The following CEP89 variants were observed in gnomAD, a reference collection of about 807,000 sequenced individuals.
CEP89 encodes the protein centrosomal protein 89, also known as centrosomal protein of 89 kDa.
Under a neutral mutation model 97.6 loss-of-function variants are expected in CEP89, and 95 were observed. That is an observed-to-expected ratio of 0.97 (90% CI 0.82 to 1.15). CEP89 has a LOEUF of 1.15. CEP89 is among the 50% of genes most tolerant of loss of function. The pLI, the probability that CEP89 is intolerant of heterozygous loss-of-function variation, is 0.00. For missense variants in CEP89, 869 were observed against 947.7 expected (o/e 0.92, Z 1.09); for synonymous variants, 354 against 349.1 (o/e 1.01, Z -0.16).
rs149379505 is a variant in CEP89, at chr19:32,901,996, G to GTCTCTC, written c.1566-590_1566-585dup. Among the ~76,000 whole-genome samples, 550 of 141,698 alleles carry GTCTCTC rather than the reference G, an allele frequency of 3.9e-3. 3 individuals are homozygous for GTCTCTC. Among genetic ancestry groups the GTCTCTC allele is most frequent in the East Asian group, 6.3e-3 (30 of 4,730 alleles). The allele number at this position is 141,698 out of a possible 152,430, so 93.0% of individuals were successfully genotyped here. On this transcript the variant is annotated intron_variant, in intron 14 of 18. Coordinates refer to ENST00000305768, the MANE Select transcript of CEP89 (RefSeq NM_032816.5). ...TTTTGGCTTATGTCTCTGTCTCTCT[G>GTCTCTC]TCTCTCTCTCTCTCTGTGTGTGTGT...
chr19:32,950,982 T>C (rs1330500135), intron 4 of CEP89, among the ~76,000 whole-genome samples: 2 of 152,208 alleles, frequency 1.3e-5, no homozygotes, highest in Non-Finnish European at 2.9e-5. Context: ...TTAAAGCTAA[T>C]CTTGGCAATG....
rs1568559832 is a variant in CEP89 at position 32,918,878 on chromosome 19, C to CTTTTCTTTTT, written c.1269-540_1269-539insAAAAAGAAAA. ...GGTTTCTTTTTTCTTTTTTCTTTTT[C>CTTTTCTTTTT]TTTTTCTTTTTTTTTTTTTTTTTTG... On this transcript the variant is annotated intron_variant, in intron 12 of 18. Coordinates refer to ENST00000305768, the MANE Select transcript of CEP89 (RefSeq NM_032816.5). Among the ~76,000 whole-genome samples the CTTTTCTTTTT allele has an allele frequency of 1.6e-4, 18 of 110,836 alleles. 1 individual carries two copies. Among genetic ancestry groups the CTTTTCTTTTT allele is most frequent in the African/African-American group, 3.5e-4 (10 of 28,340 alleles). The allele number at this position is 110,836 out of a possible 152,430, so 72.7% of individuals were successfully genotyped here. A position where few individuals can be genotyped will look rare whatever the true frequency, so the allele number is the denominator to read the frequency against.
At chr19:32,928,355 G>A (rs947208790) in intron 9 of CEP89, among the ~76,000 whole-genome samples, 11 of 151,510 alleles carry the variant, frequency 7.3e-5, no homozygotes, top group African/African-American at 2.2e-4. Context: ...TTTTCCTTCC[G>A]CCCTTCCTTC....
chr19:32,887,841 C>G lies in CEP89; in HGVS notation c.1876G>C (p.Ala626Pro), dbSNP rs763504167. Reference sequence around the variant, plus strand: ...TCCTTCTCACTTTCTAAACATTTTGCCTAGGGAGAAGGGTGATAAATGGGC... The same window carrying G: ...TCCTTCTCACTTTCTAAACATTTTGGCTAGGGAGAAGGGTGATAAATGGGC... ...TQERDSLMCLAKCLESEKDGV... is the reference protein window; with the variant it reads ...TQERDSLMCLPKCLESEKDGV... Residue 626 changes from alanine to proline, a missense_variant and splice_region_variant, in exon 17 of 19, where the codon GCA (alanine) becomes CCA (proline). Transcript: ENST00000305768. The G allele has an allele frequency of 6.3e-7, 1 of 1,595,152 alleles. No individual in the cohort carries two copies. The highest frequency in any genetic ancestry group is 8.6e-7 in the Non-Finnish European group (1 of 1,164,144).
In CEP89 at chr19:32,949,758, AG is replaced by A. The variant is rs1970872508; in HGVS notation, c.493-1391del. On this transcript the variant is annotated intron_variant, in intron 4 of 18. Transcript: ENST00000305768. ...TGCCCTTTGGCTCTCCTGATTCTTCAGTAAAATCTTGCTTTTGTGATCAGTT... is the reference window on the plus strand; with the variant it reads ...TGCCCTTTGGCTCTCCTGATTCTTCATAAAATCTTGCTTTTGTGATCAGTT... Among the ~76,000 whole-genome samples, 7 of 152,076 alleles carry A rather than the reference AG, an allele frequency of 4.6e-5. No homozygotes were observed. In the South Asian group the frequency reaches 1.5e-3, roughly 32 times the overall value.
intron 12 of CEP89, among the ~76,000 whole-genome samples, chr19:32,919,899 G>A (rs1970212196): frequency 6.6e-6 from 1 of 152,206 alleles, no homozygotes; most frequent in African/African-American, 2.4e-5. Flanking sequence ...TCCTGCCTTG[G>A]CCTCCCAAAG....
chr19:32,921,282 C>T (rs1490177622), intron 12 of CEP89, among the ~76,000 whole-genome samples: 1 of 151,988 alleles, frequency 6.6e-6, no homozygotes, highest in African/African-American at 2.4e-5. Context: ...GTCCGTGTAC[C>T]GAGTGCTGCA....
At chr19:32,949,070 C>T (rs1274157975) in intron 4 of CEP89, among the ~76,000 whole-genome samples, 1 of 152,074 alleles carries the variant, frequency 6.6e-6, no homozygotes, top group African/African-American at 2.4e-5. Context: ...GCTGACCTCC[C>T]CTGGGAGGAC....
rs554341896 is a variant in CEP89, at chr19:32,921,230, AAAG to A, written c.1268+2206_1268+2208del. 2.2e-4 allele frequency among the ~76,000 whole-genome samples: 28 copies of A among 125,112 alleles called. No individual in the cohort carries two copies. In the South Asian group the frequency reaches 2.8e-3, roughly 12 times the overall value. The allele number at this position is 125,112 out of a possible 152,430, so 82.1% of individuals were successfully genotyped here. ...GAGCAAGACTCTGTCTCAAAAAAAA[AAAG>A]AAAGAAAGAAAGAAAGAAAGTGTCT... is the stretch of plus-strand genomic sequence containing the variant. On this transcript the variant is annotated intron_variant, in intron 12 of 18. Coordinates refer to ENST00000305768, the MANE Select transcript of CEP89 (RefSeq NM_032816.5).
At chr19:32,908,125 A>C (rs1969926763) in intron 14 of CEP89, among the ~76,000 whole-genome samples, 1 of 152,240 alleles carries the variant, frequency 6.6e-6, no homozygotes, top group Admixed American at 6.5e-5. Context: ...GAAATCACTT[A>C]ATGATGAGTT....
At chr19:32,913,307 T>A (rs75691207) in intron 14 of CEP89, among the ~76,000 whole-genome samples, 627 of 19,352 alleles carry the variant, frequency 0.032, 1 homozygote, top group African/African-American at 0.13. Context: ...ATATATATAT[T>A]TTTTTGTTGT....
At chr19:32,899,194 A>G (rs1969710850) in intron 16 of CEP89, among the ~76,000 whole-genome samples, 1 of 150,018 alleles carries the variant, frequency 6.7e-6, no homozygotes, top group African/African-American at 2.5e-5. Context: ...GCAGTAGTAC[A>G]GTCATAGCTC....
At chr19:32,937,528 A>G in intron 7 of CEP89, 103 bp downstream of exon 7, 1 of 981,342 alleles carries the variant, frequency 1.0e-6, no homozygotes, top group Non-Finnish European at 1.6e-6. Context: ...TTCAACAACT[A>G]ATACAAGAAA....
At chr19:32,956,583 T>A (rs983510190) in intron 3 of CEP89, among the ~76,000 whole-genome samples, 1 of 151,854 alleles carries the variant, frequency 6.6e-6, no homozygotes, top group African/African-American at 2.4e-5. Context: ...CCCAGGCTGG[T>A]CTCAAACTCC....
In CEP89 at chr19:32,902,193, G is replaced by T. The variant is rs938445153; in HGVS notation, c.1566-781C>A. On this transcript the variant is annotated intron_variant, in intron 14 of 18. Transcript: ENST00000305768. ...ATAAATACATGTTTTTAAGACAAAA[G>T]AAACAAAGAACAAAGGGGCACTTAT... 2.6e-5 allele frequency among the ~76,000 whole-genome samples: 4 copies of T among 152,074 alleles called. No homozygotes were observed. The East Asian group carries it at 7.7e-4, about 29-fold the overall frequency.
intron 3 of CEP89, among the ~76,000 whole-genome samples, chr19:32,956,168 G>T (rs1394019600): frequency 6.8e-6 from 1 of 146,862 alleles, no homozygotes; most frequent in South Asian, 2.1e-4. Context: ...CCATTCTCCT[G>T]CCTCAGCCTC....
intron 11 of CEP89, among the ~76,000 whole-genome samples, chr19:32,924,790 TC>T (rs918635874): frequency 4.4e-4 from 67 of 152,212 alleles, no homozygotes; most frequent in Admixed American, 8.5e-4. Context: ...ATAATGGGCC[TC>T]GCCCATTATT....
At chr19:32,907,455 AT>A (rs11323866) in intron 14 of CEP89, among the ~76,000 whole-genome samples, 41,963 of 141,852 alleles carry the variant, frequency 0.3, 6,075 homozygotes, top group Admixed American at 0.39. Context: ...TGGTTTCTCT[AT>A]TTTTTTTTTT....
intron 16 of CEP89, among the ~76,000 whole-genome samples, chr19:32,892,676 G>GAA (rs61294746): frequency 8.4e-5 from 9 of 107,394 alleles, no homozygotes; most frequent in Admixed American, 3.2e-4. Flanking sequence ...AGGGCTAAAA[G>GAA]AAAAAAAAAA....
Sources: allele counts gnomAD v4.1 joint callset (sites outside exome capture counted in the v4.1 genomes callset), GRCh38; gene constraint gnomAD v4.1.1; transcripts MANE v1.5; gene names NCBI Gene and HGNC (gene_info 2026-07-23, HGNC 2026-07-21).